Variants in LINGO2 observed in about 807,000 individuals in gnomAD.
The protein encoded by LINGO2 is leucine-rich repeat and immunoglobulin-like domain-containing nogo receptor-interacting protein 2.
A neutral mutation model predicts 30.6 loss-of-function variants in LINGO2; 14 were observed. The observed-to-expected ratio is 0.46, with a 90% CI of 0.30 to 0.72. The LOEUF is 0.72. Ranked by LOEUF, LINGO2 falls within the 30% of genes least tolerant of loss-of-function variation. LINGO2 has a pLI of 0.07. For missense variants in LINGO2, 729 were observed against 751.7 expected (o/e 0.97, Z 0.35); for synonymous variants, 317 against 288.5 (o/e 1.10, Z -1.00).
intron 1 of LINGO2, among the ~76,000 whole-genome samples, chr9:28,504,752 C>T (rs1430911114): frequency 1.3e-5 from 2 of 151,392 alleles, no homozygotes; most frequent in African/African-American, 4.8e-5. Context: ...ATTGTAAGTA[C>T]CCTAAATCAG....
At chr9:28,051,538 C>T (rs1391415695) in intron 4 of LINGO2, among the ~76,000 whole-genome samples, 1 of 152,076 alleles carries the variant, frequency 6.6e-6, no homozygotes, top group Non-Finnish European at 1.5e-5. Context: ...GGAGACACAG[C>T]AGGGAACAGA....
the LINGO2 span, among the ~76,000 whole-genome samples, chr9:28,761,654 C>A: frequency 1.3e-5 from 2 of 151,714 alleles, no homozygotes; most frequent in South Asian, 2.1e-4. Flanking sequence ...ATTAGTGATA[C>A]CCCTAAGGAA....
intron 1 of LINGO2, among the ~76,000 whole-genome samples, chr9:28,518,763 T>A (rs1006764528): frequency 1.3e-5 from 2 of 152,192 alleles, no homozygotes; most frequent in Admixed American, 1.3e-4. Flanking sequence ...AATTGCTTCG[T>A]TGGGCCTACA....
At chr9:28,500,619 T>C (rs544528040) in intron 1 of LINGO2, among the ~76,000 whole-genome samples, 9 of 151,972 alleles carry the variant, frequency 5.9e-5, no homozygotes, top group Middle Eastern at 3.4e-3. Flanking sequence ...AGAAGTAAAA[T>C]AGAGGAGTTT....
chr9:28,486,576 GGTGT>G (rs1052623875), intron 1 of LINGO2, among the ~76,000 whole-genome samples: 2 of 152,010 alleles, frequency 1.3e-5, no homozygotes, highest in Admixed American at 6.6e-5. Context: ...CATGTATGTG[GGTGT>G]GTATGTATTC....
intron 4 of LINGO2, among the ~76,000 whole-genome samples, chr9:28,018,897 C>T (rs1822973313): frequency 6.6e-6 from 1 of 152,034 alleles, no homozygotes; most frequent in East Asian, 1.9e-4. Flanking sequence ...ATATTCATTG[C>T]AGCACTATTC....
At chr9:28,937,892 TA>T in the LINGO2 span, among the ~76,000 whole-genome samples, 2 of 152,148 alleles carry the variant, frequency 1.3e-5, no homozygotes, top group Non-Finnish European at 2.9e-5. Flanking sequence ...ACCCAGGTAT[TA>T]ATCCTAGGAC....
rs1827345659 is a variant in LINGO2 at position 28,130,213 on chromosome 9, T to G, written c.-86-117808A>C. ...ACTCTAGACCCTCTAAAATAGACCT[T>G]AACACACTTCATCAGATTTTGAAAC... On this transcript the variant is annotated intron_variant, in intron 4 of 5. Coordinates refer to ENST00000379992, the Ensembl canonical transcript of LINGO2. The surrounding 1 kb of genome is among the most constrained non-coding windows in gnomAD (Gnocchi z 5.2). Among the ~76,000 whole-genome samples the G allele has an allele frequency of 6.6e-6, 1 of 152,206 alleles. No individual in the cohort carries two copies. Among genetic ancestry groups the G allele is most frequent in the South Asian group, 2.1e-4 (1 of 4,828 alleles).
chr9:28,780,216 G>A, the LINGO2 span, among the ~76,000 whole-genome samples: 1 of 152,144 alleles, frequency 6.6e-6, no homozygotes, highest in Non-Finnish European at 1.5e-5. Flanking sequence ...AAGAAACTTG[G>A]TAGCTTCCCT....
At chr9:28,588,632 G>T (rs1026022556) in intron 1 of LINGO2, among the ~76,000 whole-genome samples, 1 of 131,236 alleles carries the variant, frequency 7.6e-6, no homozygotes, top group Admixed American at 7.7e-5. Flanking sequence ...CAAACATGAC[G>T]GTGTGGGCAT....
intron 2 of LINGO2, among the ~76,000 whole-genome samples, chr9:28,448,383 T>C (rs942483784): frequency 2.6e-5 from 4 of 152,132 alleles, no homozygotes; most frequent in Non-Finnish European, 5.9e-5. Context: ...TAATAGGCCA[T>C]AGAGTCAGAA....
chr9:28,104,504 C>A (rs1166589041), intron 4 of LINGO2, among the ~76,000 whole-genome samples: 2 of 151,812 alleles, frequency 1.3e-5, no homozygotes, highest in Non-Finnish European at 2.9e-5. Context: ...TCTCATTCCT[C>A]CTTCAGACCT....
intron 4 of LINGO2, among the ~76,000 whole-genome samples, chr9:28,215,593 C>T (rs868677176): frequency 9.2e-5 from 14 of 151,692 alleles, no homozygotes; most frequent in Middle Eastern, 6.8e-3. Context: ...AATCAAACAA[C>T]TGGGAGGCCA....
chr9:29,106,022 A>G, the LINGO2 span, among the ~76,000 whole-genome samples: 1 of 152,224 alleles, frequency 6.6e-6, no homozygotes, highest in Non-Finnish European at 1.5e-5. Context: ...GAGACCTGCT[A>G]AAAACATGCC....
At chr9:28,264,998 C>T (rs1238717896) in intron 4 of LINGO2, among the ~76,000 whole-genome samples, 1 of 151,882 alleles carries the variant, frequency 6.6e-6, no homozygotes, top group Non-Finnish European at 1.5e-5. Context: ...GCTAAGTTTC[C>T]AGCCTGATGG....
chr9:28,463,139 A>C (rs1470702230), intron 2 of LINGO2, among the ~76,000 whole-genome samples: 1 of 151,926 alleles, frequency 6.6e-6, no homozygotes, highest in South Asian at 2.1e-4. Context: ...TTGGGCAACA[A>C]ATTTTATTGT....
chr9:28,742,220 T>C, the LINGO2 span, among the ~76,000 whole-genome samples: 1 of 151,316 alleles, frequency 6.6e-6, no homozygotes, highest in African/African-American at 2.4e-5. Context: ...CTGCCTGGAG[T>C]TGGGAGAGGA....
chr9:28,447,904 G>A (rs1824491807), intron 2 of LINGO2, among the ~76,000 whole-genome samples: 1 of 152,106 alleles, frequency 6.6e-6, no homozygotes, highest in Admixed American at 6.6e-5. Flanking sequence ...AATATCCTTT[G>A]ACATCTTTGT....
At chr9:28,733,121 T>C in the LINGO2 span, among the ~76,000 whole-genome samples, 16 of 152,314 alleles carry the variant, frequency 1.1e-4, no homozygotes, top group African/African-American at 3.8e-4. Flanking sequence ...ATTTGTGGTA[T>C]ACACATAGTA....
Sources: gnomAD v4.1 joint callset for allele counts (sites outside exome capture counted in the v4.1 genomes callset) on GRCh38, gnomAD v4.1.1 for gene constraint, Gnocchi (gnomAD v3.1) non-coding constraint, MANE v1.5 for transcripts, NCBI Gene and HGNC (gene_info 2026-07-23, HGNC 2026-07-21) for gene names.